CEP170B: variants seen among roughly 807,000 people sequenced by gnomAD.
The protein encoded by CEP170B is centrosomal protein of 170 kDa protein B.
A neutral mutation model predicts 120.6 loss-of-function variants in CEP170B; 55 were observed. That is an observed-to-expected ratio of 0.46 (90% CI 0.37 to 0.57). CEP170B has a LOEUF of 0.57. CEP170B is among the 20% of genes least tolerant of loss of function. The pLI, the probability that CEP170B is intolerant of heterozygous loss-of-function variation, is 0.00. For missense variants in CEP170B, 2,212 were observed against 2,253.3 expected, an observed-to-expected ratio of 0.98 and a Z score of 0.37; for synonymous variants, 1,033 against 954.5, an observed-to-expected ratio of 1.08 and a Z score of -1.52.
At chr14:104,886,237 C>T (rs750177041) in intron 11 of CEP170B, 38 bp from the exon 12 acceptor site, 1 of 1,482,152 alleles carries the variant, frequency 6.7e-7, no homozygotes, top group Non-Finnish European at 8.9e-7. Context: ...GGCCTGCAGA[C>T]CAGCGGCCCT....
intron 6 of CEP170B, among the ~76,000 whole-genome samples, chr14:104,881,967 C>T (rs1034484133): frequency 6.6e-6 from 1 of 152,118 alleles, no homozygotes; most frequent in Non-Finnish European, 1.5e-5. Context: ...GTGTAAGCAG[C>T]TGGGGGCCAT....
chr14:104,884,579 G>C (rs117866982), intron 9 of CEP170B, 30 bp downstream of exon 9: 7 of 1,525,214 alleles, frequency 4.6e-6, no homozygotes, highest in South Asian at 3.6e-5. Context: ...GAGAGCCCTC[G>C]TGGGGAACGG....
In CEP170B at chr14:104,894,316, G is replaced by C; in HGVS notation, c.4303G>C (p.Glu1435Gln). ...CTTTCAGAACACAGGGAGAGCTTGG[G>C]AGGACCTGGAAGCCAGGATCAACGC... is the stretch of plus-strand genomic sequence containing the variant. Reference protein sequence around the residue: ...ILFQNTGRAWEDLEARINAEN... With the variant: ...ILFQNTGRAWQDLEARINAEN... Residue 1435 changes from glutamate (E) to glutamine (Q), a missense_variant, in exon 17 of 19, where the codon GAG becomes CAG. By Grantham distance (29) the Glu-to-Gln change is conservative (BLOSUM62 2). Transcript: ENST00000414716. 6 of 1,613,630 alleles carry C rather than the reference G, an allele frequency of 3.7e-6. No individual in the cohort carries two copies. Among genetic ancestry groups the C allele is most frequent in the Non-Finnish European group, 5.1e-6 (6 of 1,179,876 alleles).
intron 2 of CEP170B, among the ~76,000 whole-genome samples, chr14:104,874,743 A>T (rs1369163958): frequency 2.1e-5 from 3 of 139,902 alleles, no homozygotes; most frequent in African/African-American, 2.7e-5. Flanking sequence ...GTACCCCCCA[A>T]CCCCCACCCC....
chr14:104,868,240 G>T lies in CEP170B; in HGVS notation c.-27-184G>T, dbSNP rs1895289022. ...GGAAAGGCCGGTCACGAGGGCAAAG[G>T]CCTGGCAGTGGGACTCGGGACCATA... On this transcript the variant is annotated intron_variant, in intron 1 of 18. Transcript: ENST00000414716. This position sits in a 1 kb window ranked among gnomAD's most constrained non-coding sequence, Gnocchi z 5.9. Among the ~76,000 whole-genome samples, 1 of 152,182 alleles carries T rather than the reference G, an allele frequency of 6.6e-6. No homozygotes were observed. The highest frequency in any genetic ancestry group is 2.4e-5 in the African/African-American group (1 of 41,440).
intron 16 of CEP170B, 33 bp from the exon 17 acceptor site, chr14:104,894,251 TC>T: frequency 6.7e-7 from 1 of 1,484,036 alleles, no homozygotes; most frequent in Non-Finnish European, 9.4e-7. Context: ...TCTGTCCTTG[TC>T]CCCCCATTTC....
In CEP170B at chr14:104,894,985, C is replaced by A. The variant is rs780295140; in HGVS notation, c.*27C>A. ...CCCCAGACCTGGCCAGGCCAGCCTCCCTGTGCGTGTGCGTCTCTGCCTTCC... is the reference window on the plus strand; with the variant it reads ...CCCCAGACCTGGCCAGGCCAGCCTCACTGTGCGTGTGCGTCTCTGCCTTCC... On this transcript the variant is annotated 3_prime_UTR_variant, in exon 19 of 19. Coordinates refer to ENST00000414716, the MANE Select transcript of CEP170B (RefSeq NM_001112726.3). The A allele has an allele frequency of 2.0e-6, 3 of 1,518,288 alleles. No individual in the cohort carries two copies. The African/African-American group carries it at 4.1e-5, about 21-fold the overall frequency. The allele number at this position is 1,518,288 out of a possible 1,614,324, so 94.1% of individuals were successfully genotyped here.
In CEP170B at chr14:104,885,551, A is replaced by G. The variant is rs1219080202; in HGVS notation, c.1944+9A>G. ...CCCAGGCGGAGCACCAGGTACAGGC[A>G]CAGACGGCCACCCCAAGGAGGGGCT... is the stretch of plus-strand genomic sequence containing the variant. On this transcript the variant is annotated intron_variant, in intron 10 of 18. Transcript: ENST00000414716. 1 of 1,549,684 alleles carries G rather than the reference A, an allele frequency of 6.5e-7. No individual in the cohort carries two copies. The highest frequency in any genetic ancestry group is 8.7e-7 in the Non-Finnish European group (1 of 1,154,352).
In CEP170B at chr14:104,889,669, C is replaced by T. The variant is rs372160666; in HGVS notation, c.3789C>T (p.Ala1263=). 1.9e-6 allele frequency: 3 copies of T among 1,612,122 alleles called. No individual in the cohort carries two copies. Among genetic ancestry groups the T allele is most frequent in the Non-Finnish European group, 2.5e-6 (3 of 1,179,712 alleles). Residue 1263 remains alanine (A), a synonymous_variant, in exon 13 of 19, where the codon GCC becomes GCT. Transcript: ENST00000414716. ...AGSSSRARSR[A]PGPRDTDDDE... ...GCTCCAGCCGGGCTCGTTCCCGGGC[C>T]CCCGGCCCCCGGGACACGGACGACG...
At position 104,887,068 on chromosome 14, in the gene CEP170B, G is replaced by T; in HGVS notation, c.2829G>T (p.Pro943=). Residue 943 remains proline (P), a synonymous_variant, in exon 12 of 19, where the codon CCG becomes CCT. Coordinates refer to ENST00000414716, the MANE Select transcript of CEP170B (RefSeq NM_001112726.3). ...VDAECEGGST[P]RPPEDALSGD... Reference sequence around the variant, plus strand: ...CCGAGTGTGAGGGGGGCAGCACCCCGAGGCCGCCGGAGGACGCCCTGTCTG... The same window carrying T: ...CCGAGTGTGAGGGGGGCAGCACCCCTAGGCCGCCGGAGGACGCCCTGTCTG... 1 of 1,611,352 alleles carries T rather than the reference G, an allele frequency of 6.2e-7. No homozygotes were observed. Among genetic ancestry groups the T allele is most frequent in the Non-Finnish European group, 8.5e-7 (1 of 1,179,706 alleles).
rs1030013853 is a variant in CEP170B at position 104,891,106 on chromosome 14, G to A, written c.3878+1348G>A. Among the ~76,000 whole-genome samples the A allele has an allele frequency of 4.0e-5, 6 of 151,862 alleles. No homozygotes were observed. Among genetic ancestry groups the A allele is most frequent in the Admixed American group, 6.6e-5 (1 of 15,246 alleles). On this transcript the variant is annotated intron_variant, in intron 13 of 18. Coordinates refer to ENST00000414716, the MANE Select transcript of CEP170B (RefSeq NM_001112726.3). This position sits in a 1 kb window ranked among gnomAD's most constrained non-coding sequence, Gnocchi z 4.3. ...GGAGAGTGAGTGGGTGGATGGAGGGGTGGGTGGATGCAGATCTTCCCAGGA... is the reference window on the plus strand; with the variant it reads ...GGAGAGTGAGTGGGTGGATGGAGGGATGGGTGGATGCAGATCTTCCCAGGA...
intron 13 of CEP170B, among the ~76,000 whole-genome samples, chr14:104,892,041 T>C (rs988867330): frequency 6.6e-6 from 1 of 152,020 alleles, no homozygotes; most frequent in African/African-American, 2.4e-5. Flanking sequence ...GGGAGGGCCC[T>C]CAGGGTGGTC....
chr14:104,868,329 C>T lies in CEP170B; in HGVS notation c.-27-95C>T, dbSNP rs867099338. On this transcript the variant is annotated intron_variant, in intron 1 of 18. Coordinates refer to ENST00000414716, the MANE Select transcript of CEP170B (RefSeq NM_001112726.3). The surrounding 1 kb of genome is among the most constrained non-coding windows in gnomAD (Gnocchi z 5.9). Reference sequence around the variant, plus strand: ...GCTTCTCCGGAAGCTGCCAGCTTCCCTTAGAGGGTCAGGATCTGGGCTGGG... The same window carrying T: ...GCTTCTCCGGAAGCTGCCAGCTTCCTTTAGAGGGTCAGGATCTGGGCTGGG... The T allele has an allele frequency of 1.2e-5, 10 of 864,676 alleles. No individual in the cohort carries two copies. In the African/African-American group the frequency reaches 1.2e-4, roughly 10 times the overall value. The allele number at this position is 864,676 out of a possible 1,614,324, so 53.6% of individuals were successfully genotyped here. A position where few individuals can be genotyped will look rare whatever the true frequency, so the allele number is the denominator to read the frequency against.
chr14:104,892,940 C>T, intron 13 of CEP170B, 36 bp from the exon 14 acceptor site: 1 of 1,550,356 alleles, frequency 6.5e-7, no homozygotes. Context: ...CCGACTTCCT[C>T]TGTGCAGAAC....
chr14:104,883,997 C>T lies in CEP170B; in HGVS notation c.1218C>T (p.Ile406=), dbSNP rs373744807. The T allele has an allele frequency of 9.7e-5, 156 of 1,610,762 alleles. 1 individual carries two copies. The highest frequency in any genetic ancestry group is 5.0e-4 in the South Asian group (45 of 90,776). The change falls in exon 9 of 19, where the codon ATC becomes ATT. Residue 406 remains isoleucine, a synonymous_variant. Transcript: ENST00000414716. ...ELLHNQQAFV[I]EFFDEDTPRK... is the part of the protein sequence containing the mutation. ...TACATAACCAGCAGGCCTTTGTCAT[C>T]GAGTTCTTCGACGAGGACACACCCC...
intron 2 of CEP170B, among the ~76,000 whole-genome samples, chr14:104,875,775 G>A (rs560151299): frequency 2.6e-5 from 4 of 152,344 alleles, no homozygotes; most frequent in Non-Finnish European, 5.9e-5. Flanking sequence ...CTCCGGGGGG[G>A]TGGTCCTGGG....
chr14:104,878,255 G>A (rs1423763525), intron 4 of CEP170B, among the ~76,000 whole-genome samples, 188 bp from the exon 5 acceptor site: 3 of 152,078 alleles, frequency 2.0e-5, no homozygotes, highest in Non-Finnish European at 4.4e-5. Flanking sequence ...CTAGGACCCC[G>A]AGTCCTGGCC....
In CEP170B at chr14:104,894,582, C is replaced by T. The variant is rs765726466; in HGVS notation, c.4411C>T (p.Leu1471=). 1.2e-6 allele frequency: 2 copies of T among 1,612,026 alleles called. No individual in the cohort carries two copies. The highest frequency in any genetic ancestry group is 8.5e-7 in the Non-Finnish European group (1 of 1,178,768). The change falls in exon 18 of 19, where the codon CTG becomes TTG. Residue 1471 remains leucine, a synonymous_variant. Transcript: ENST00000414716. The part of the protein sequence containing the change: ...LKELRRVQKQ[L]EVINAIVDPS... The stretch of plus-strand genomic sequence containing the variant: ...GGAACTGAGGCGGGTGCAGAAACAG[C>T]TGGAAGGTGAGTGTGGCCCAAGCCT...
chr14:104,884,047 C>A lies in CEP170B; in HGVS notation c.1268C>A (p.Thr423Lys). Residue 423 changes from threonine to lysine, a missense_variant, in exon 9 of 19, where the codon ACG becomes AAG. Physicochemically the swap from Thr to Lys is moderately conservative, Grantham distance 78. Around this residue, in one of 2 missense-constraint regions of CEP170B, gnomAD observed 2,166 missense variants for 2,166.7 expected, o/e 1.00. Transcript: ENST00000414716. ...TPRKKRSQSFTHSPSGDPKAD... is the reference protein window; with the variant it reads ...TPRKKRSQSFKHSPSGDPKAD... ...CGAAAGAAGCGCTCCCAGTCCTTCA[C>A]GCACAGCCCGTCCGGGGACCCCAAG... The A allele has an allele frequency of 1.2e-6, 2 of 1,609,664 alleles. No homozygotes were observed. Among genetic ancestry groups the A allele is most frequent in the Non-Finnish European group, 1.7e-6 (2 of 1,178,270 alleles).
Sources: gnomAD v4.1 joint callset for allele counts (sites outside exome capture counted in the v4.1 genomes callset) on GRCh38, gnomAD v4.1.1 for gene constraint, gnomAD v4.1.1 regional missense constraint, Gnocchi (gnomAD v3.1) non-coding constraint, MANE v1.5 for transcripts, NCBI Gene and HGNC (gene_info 2026-07-23, HGNC 2026-07-21) for gene names.